The following WWOX variants were observed in gnomAD, a reference collection of about 807,000 sequenced individuals.
The protein encoded by WWOX is WW domain-containing oxidoreductase.
In WWOX, 69 loss-of-function variants were observed where a neutral mutation model predicts 46.2. The ratio of observed to expected loss-of-function variants is 1.49; its 90% CI spans 1.23 to 1.82. The LOEUF (loss-of-function observed/expected upper bound fraction) is 1.82. Ranked by LOEUF, WWOX falls within the 40% of genes most tolerant of loss-of-function variation. The pLI is 0.00. For missense variants in WWOX, 919 were observed against 542.6 expected (o/e 1.69, Z -6.89); for synonymous variants, 359 against 202.6 (o/e 1.77, Z -6.56).
chr16:78,936,398 TC>T (rs1272420287), intron 8 of WWOX, among the ~76,000 whole-genome samples: 2 of 152,080 alleles, frequency 1.3e-5, no homozygotes, highest in Admixed American at 6.6e-5. Flanking sequence ...TTGCATGATC[TC>T]CCCAGGATGG....
chr16:78,973,155 C>G (rs1242546701), intron 8 of WWOX, among the ~76,000 whole-genome samples: 1 of 152,174 alleles, frequency 6.6e-6, no homozygotes, highest in Non-Finnish European at 1.5e-5. Context: ...GAAATCTCTG[C>G]CACGTCCGCC....
In WWOX at chr16:78,214,532, C is replaced by T. The variant is rs567675586; in HGVS notation, c.516+50243C>T. On this transcript the variant is annotated intron_variant, in intron 5 of 8. Coordinates refer to ENST00000566780, the MANE Select transcript of WWOX (RefSeq NM_016373.4). ...CCCGAAGTCTCTTCCTGGACCTCAG[C>T]CCTCAGGGATTGCACCTCCCTCTGA... 5.9e-5 allele frequency among the ~76,000 whole-genome samples: 9 copies of T among 152,280 alleles called. No homozygotes were observed. In the South Asian group the frequency reaches 1.9e-3, roughly 32 times the overall value.
At chr16:78,372,573 T>A (rs2081718630) in intron 5 of WWOX, among the ~76,000 whole-genome samples, 1 of 152,296 alleles carries the variant, frequency 6.6e-6, no homozygotes, top group South Asian at 2.1e-4. Flanking sequence ...CTGTCCATTA[T>A]CCTCCATGGT....
intron 8 of WWOX, among the ~76,000 whole-genome samples, chr16:78,572,674 C>G (rs1471456387): frequency 2.1e-5 from 3 of 145,416 alleles, no homozygotes; most frequent in Admixed American, 2.1e-4. Flanking sequence ...TTATAGAAAG[C>G]TTAAAGTATA....
chr16:78,271,439 G>C (rs2079476289), intron 5 of WWOX, among the ~76,000 whole-genome samples: 1 of 152,126 alleles, frequency 6.6e-6, no homozygotes, highest in Non-Finnish European at 1.5e-5. Flanking sequence ...CACCTTGCTG[G>C]GCTGTTTCAG....
chr16:79,089,381 G>T (rs1049684282), intron 8 of WWOX, among the ~76,000 whole-genome samples: 3 of 150,366 alleles, frequency 2.0e-5, no homozygotes, highest in African/African-American at 7.4e-5. Context: ...GCCCAGGCTG[G>T]AATGCAGTGG....
chr16:78,671,724 A>T (rs1461236480), intron 8 of WWOX, among the ~76,000 whole-genome samples: 1 of 152,218 alleles, frequency 6.6e-6, no homozygotes, highest in Non-Finnish European at 1.5e-5. Context: ...ATAAATAGCT[A>T]CCCTTACTAT....
At chr16:79,049,672 C>G (rs1263270382) in intron 8 of WWOX, among the ~76,000 whole-genome samples, 1 of 151,992 alleles carries the variant, frequency 6.6e-6, no homozygotes, top group Admixed American at 6.5e-5. Flanking sequence ...CCCGTCTCTA[C>G]TAAAAATACA....
intron 8 of WWOX, among the ~76,000 whole-genome samples, chr16:78,627,342 A>G (rs927419961): frequency 4.6e-5 from 7 of 152,194 alleles, no homozygotes; most frequent in Non-Finnish European, 1.0e-4. Context: ...CAGTATGGAG[A>G]AGACCTGAAT....
In WWOX at chr16:78,824,891, C is replaced by T. The variant is rs115973670; in HGVS notation, c.1057-386717C>T. On this transcript the variant is annotated intron_variant, in intron 8 of 8. Coordinates refer to ENST00000566780, the MANE Select transcript of WWOX (RefSeq NM_016373.4). The stretch of plus-strand genomic sequence containing the variant: ...GTGTGAGAACAGAACAGAGAGGAAG[C>T]GACACACCTTTCCTTTGGGAGCAAT... Among the ~76,000 whole-genome samples, 293 of 152,188 alleles carry T rather than the reference C, an allele frequency of 1.9e-3. 3 individuals carry two copies. The highest frequency in any genetic ancestry group is 6.4e-3 in the African/African-American group (268 of 41,552).
At chr16:78,705,171 T>C (rs759068379) in intron 8 of WWOX, among the ~76,000 whole-genome samples, 3 of 152,218 alleles carry the variant, frequency 2.0e-5, no homozygotes, top group African/African-American at 4.8e-5. Flanking sequence ...CAACCACTTA[T>C]ATTTTCCAAA....
chr16:78,946,639 G>C (rs1194027412), intron 8 of WWOX, among the ~76,000 whole-genome samples: 1 of 152,178 alleles, frequency 6.6e-6, no homozygotes, highest in Non-Finnish European at 1.5e-5. Context: ...GGGCACAGGA[G>C]AGATGCAGTG....
chr16:79,108,466 G>T (rs748888910), intron 8 of WWOX, among the ~76,000 whole-genome samples: 2 of 152,236 alleles, frequency 1.3e-5, no homozygotes, highest in Admixed American at 1.3e-4. Flanking sequence ...AGATTGCAAG[G>T]TGCAGGTATG....
At chr16:78,144,262 C>G (rs1281492944) in intron 4 of WWOX, among the ~76,000 whole-genome samples, 1 of 150,598 alleles carries the variant, frequency 6.6e-6, no homozygotes, top group East Asian at 2.0e-4. Context: ...AGTTAAGATT[C>G]ATTTATTCTA....
intron 8 of WWOX, among the ~76,000 whole-genome samples, chr16:78,685,060 G>A (rs1005703567): frequency 5.9e-5 from 9 of 152,166 alleles, no homozygotes; most frequent in Non-Finnish European, 1.2e-4. Flanking sequence ...GCTGTTCACT[G>A]TAACATCGTC....
chr16:78,102,953 A>G (rs2031894178), intron 1 of WWOX, among the ~76,000 whole-genome samples: 3 of 152,082 alleles, frequency 2.0e-5, no homozygotes, highest in African/African-American at 7.2e-5. Context: ...TCCTAAGCCC[A>G]CCTCTGCCTC....
At chr16:78,337,024 A>C (rs1334653459) in intron 5 of WWOX, among the ~76,000 whole-genome samples, 1 of 151,952 alleles carries the variant, frequency 6.6e-6, no homozygotes, top group Non-Finnish European at 1.5e-5. Context: ...CACGTGATCC[A>C]CCCGCCTTGG....
rs1038740667 is a variant in WWOX at position 78,881,136 on chromosome 16, G to A, written c.1057-330472G>A. On this transcript the variant is annotated intron_variant, in intron 8 of 8. Transcript: ENST00000566780. ...CCTCCCAAGGGAGCTGGGACCACAG[G>A]GGCACACCACCATGCCTGCCCAATT... 4.0e-5 allele frequency among the ~76,000 whole-genome samples: 6 copies of A among 151,850 alleles called. No individual in the cohort carries two copies. In the East Asian group the frequency reaches 1.2e-3, roughly 29 times the overall value.
chr16:78,210,488 C>T (rs1006445345), intron 5 of WWOX, among the ~76,000 whole-genome samples: 1 of 152,102 alleles, frequency 6.6e-6, no homozygotes, highest in Non-Finnish European at 1.5e-5. Context: ...CACACACGCG[C>T]GTGCACACAC....
Sources: allele counts gnomAD v4.1 joint callset (sites outside exome capture counted in the v4.1 genomes callset), GRCh38; gene constraint gnomAD v4.1.1; transcripts MANE v1.5; gene names NCBI Gene and HGNC (gene_info 2026-07-23, HGNC 2026-07-21).